MSL3B: variants seen among roughly 807,000 people sequenced by gnomAD.
MSL3B encodes the protein MSL complex subunit 3B.
At chr2:233,867,058 G>C in the MSL3B span, 1 of 1,215,340 alleles carries the variant, frequency 8.2e-7, no homozygotes, top group South Asian at 1.2e-5. Flanking sequence ...GCTTCACATA[G>C]GATTCCAAAA....
the MSL3B span, among the ~76,000 whole-genome samples, chr2:233,865,132 T>A: frequency 1.3e-5 from 2 of 152,206 alleles, no homozygotes; most frequent in South Asian, 2.1e-4. Context: ...TATGTAGCAA[T>A]TTGTGGGCTA....
the MSL3B span, chr2:233,866,941 A>G: frequency 6.9e-7 from 1 of 1,439,472 alleles, no homozygotes; most frequent in East Asian, 2.3e-5. Context: ...TACAAAGGTC[A>G]ATATTCTTTT....
At chr2:233,865,939 C>T in the MSL3B span, 2 of 338,912 alleles carry the variant, frequency 5.9e-6, no homozygotes, top group South Asian at 2.4e-5. Flanking sequence ...TTTCAGGCAC[C>T]TAGGAAATAA....
At chr2:233,868,192 T>C in the MSL3B span, 3 of 456,398 alleles carry the variant, frequency 6.6e-6, no homozygotes, top group South Asian at 1.7e-5. Context: ...CTGGGATCTT[T>C]CTGCCTTTTT....
the MSL3B span, among the ~76,000 whole-genome samples, chr2:233,865,163 TCTAAAGA>T: frequency 6.6e-6 from 1 of 152,222 alleles, no homozygotes; most frequent in Non-Finnish European, 1.5e-5. Context: ...AATTTCTGAC[TCTAAAGA>T]CTAAATCTTA....
chr2:233,867,824 A>G, the MSL3B span, among the ~76,000 whole-genome samples: 12 of 110,390 alleles, frequency 1.1e-4, no homozygotes, highest in East Asian at 3.0e-3. Flanking sequence ...ACAGAGTCTC[A>G]CCCTGCCGCC....
chr2:233,865,143 G>A, the MSL3B span, among the ~76,000 whole-genome samples: 14 of 152,252 alleles, frequency 9.2e-5, no homozygotes, highest in East Asian at 2.7e-3. Flanking sequence ...TTGTGGGCTA[G>A]CACCTAAGGA....
the MSL3B span, chr2:233,866,935 A>G: frequency 6.8e-7 from 1 of 1,464,568 alleles, no homozygotes; most frequent in South Asian, 1.1e-5. Flanking sequence ...TCTCCTTACA[A>G]AGGTCAATAT....
the MSL3B span, chr2:233,865,876 TTTACCTGCCA>T: frequency 5.7e-5 from 17 of 298,898 alleles, no homozygotes; most frequent in South Asian, 4.8e-4. Context: ...ACAGTTGCTT[TTTACCTGCCA>T]TCACAGATGG....
chr2:233,865,483 C>T, the MSL3B span: 1 of 151,778 alleles, frequency 6.6e-6, no homozygotes, highest in Admixed American at 6.6e-5. Flanking sequence ...CCAAAAAGAA[C>T]ATTTTACAGA....
the MSL3B span, chr2:233,868,297 G>A: frequency 4.8e-5 from 13 of 269,248 alleles, no homozygotes; most frequent in Non-Finnish European, 8.7e-5. Flanking sequence ...TGCACGGCAG[G>A]GGAGATTTAA....
the MSL3B span, chr2:233,865,856 T>A: frequency 3.5e-6 from 1 of 283,284 alleles, no homozygotes; most frequent in South Asian, 3.7e-5. Context: ...CCATGAACAT[T>A]TCACTGTGAA....
chr2:233,866,391 C>T, the MSL3B span: 1 of 1,003,300 alleles, frequency 1.0e-6, no homozygotes, highest in African/African-American at 1.6e-5. Flanking sequence ...GGGTAATTGT[C>T]AGGTACGAGC....
the MSL3B span, chr2:233,866,304 C>G: frequency 7.8e-5 from 61 of 778,360 alleles, 1 homozygote; most frequent in East Asian, 1.0e-3. Flanking sequence ...CCAAGAATTT[C>G]TGGAAGTTTG....
the MSL3B span, chr2:233,867,121 A>C: frequency 1.1e-6 from 1 of 873,472 alleles, no homozygotes; most frequent in Non-Finnish European, 2.0e-6. Context: ...TCCTCCGATT[A>C]ATGTAGTAAC....
At chr2:233,868,198 T>G in the MSL3B span, 1 of 452,794 alleles carries the variant, frequency 2.2e-6, no homozygotes, top group South Asian at 1.7e-5. Flanking sequence ...TCTTTCTGCC[T>G]TTTTCGCCTT....
the MSL3B span, chr2:233,865,894 T>C: frequency 6.5e-6 from 2 of 308,808 alleles, no homozygotes; most frequent in African/African-American, 4.4e-5. Flanking sequence ...CCATCACAGA[T>C]GGCCTACAAA....
chr2:233,867,231 C>CATTTTTCT, the MSL3B span: 2 of 766,010 alleles, frequency 2.6e-6, no homozygotes, highest in East Asian at 4.9e-5. Flanking sequence ...TCTTCTTTCA[C>CATTTTTCT]TTCAGTCTTT....
the MSL3B span, chr2:233,866,364 G>A: frequency 3.5e-6 from 3 of 867,014 alleles, no homozygotes; most frequent in Non-Finnish European, 6.0e-6. Flanking sequence ...GAGGGTGGAG[G>A]TGGCTGGTCA....
Sources: gnomAD v4.1 joint callset for allele counts (sites outside exome capture counted in the v4.1 genomes callset) on GRCh38, gnomAD v4.1.1 for gene constraint, MANE v1.5 for transcripts, NCBI Gene and HGNC (gene_info 2026-07-23, HGNC 2026-07-21) for gene names.